The following PCDHGA7 variants were observed in gnomAD, a reference collection of about 807,000 sequenced individuals.
PCDHGA7 encodes protocadherin gamma-A7.
A neutral mutation model predicts 58.3 loss-of-function variants in PCDHGA7; 44 were observed. The observed-to-expected ratio is 0.75, with a 90% CI of 0.59 to 0.97. The LOEUF is 0.97. Ranked by LOEUF, PCDHGA7 falls within the 50% of genes least tolerant of loss-of-function variation. The pLI, the probability that PCDHGA7 is intolerant of heterozygous loss-of-function variation, is 0.00. For synonymous variants in PCDHGA7, 516 were observed against 504.2 expected (o/e 1.02, Z -0.31); for missense variants, 1,266 against 1,188.7 (o/e 1.06, Z -0.96).
chr5:141,465,171 G>T (rs969390966), intron 1 of PCDHGA7, among the ~76,000 whole-genome samples: 1 of 151,728 alleles, frequency 6.6e-6, no homozygotes, highest in Non-Finnish European at 1.5e-5. Flanking sequence ...TGTTTATGAA[G>T]AAATTTAATT....
rs752145084 is a variant in PCDHGA7 at position 141,489,550 on chromosome 5, C to T, written c.2425-5257C>T. On this transcript the variant is annotated intron_variant, in intron 1 of 3. Coordinates refer to ENST00000518325, the MANE Select transcript of PCDHGA7 (RefSeq NM_018920.4). This position sits in a 1 kb window ranked among gnomAD's most constrained non-coding sequence, Gnocchi z 4.5. ...ATGTGGAGCCAGCACCAGCTGCCTGCTGCCAGTGCAGGTGGTGACTGAACA... is the reference window on the plus strand; with the variant it reads ...ATGTGGAGCCAGCACCAGCTGCCTGTTGCCAGTGCAGGTGGTGACTGAACA... The T allele has an allele frequency of 1.2e-6, 2 of 1,614,132 alleles. No homozygotes were observed. The highest frequency in any genetic ancestry group is 1.7e-5 in the Admixed American group (1 of 60,030).
intron 1 of PCDHGA7, chr5:141,419,582 T>A (rs1474193256): frequency 6.2e-7 from 1 of 1,611,894 alleles, no homozygotes. Context: ...CTCCGCGCTC[T>A]TCGACACAGT....
chr5:141,506,434 C>A lies in PCDHGA7; in HGVS notation c.2572+953C>A, dbSNP rs139627189. Among the ~76,000 whole-genome samples the A allele has an allele frequency of 8.5e-4, 112 of 131,752 alleles. 2 individuals are homozygous for A. The highest frequency in any genetic ancestry group is 3.3e-3 in the African/African-American group (107 of 32,408). 86.4% of individuals were successfully genotyped at this position (131,752 alleles called of 152,430 possible). ...TGCACTCCAGCCTGGGCAACAGTCT[C>A]GCTCTGTCTCAAAAAAAAAAAAAAA... On this transcript the variant is annotated intron_variant, in intron 3 of 3. Transcript: ENST00000518325.
At chr5:141,418,287 G>C in intron 1 of PCDHGA7, 1 of 1,614,020 alleles carries the variant, frequency 6.2e-7, no homozygotes, top group South Asian at 1.1e-5. Context: ...TTAGAAATCA[G>C]TGAATCCGTC....
intron 1 of PCDHGA7, chr5:141,399,563 T>G: frequency 6.2e-7 from 1 of 1,614,054 alleles, no homozygotes; most frequent in Non-Finnish European, 8.5e-7. Flanking sequence ...GACTTGGGGT[T>G]GAACGGCCAA....
intron 1 of PCDHGA7, chr5:141,395,109 A>C (rs1181706209): frequency 6.2e-7 from 1 of 1,614,210 alleles, no homozygotes; most frequent in Non-Finnish European, 8.5e-7. Flanking sequence ...CTCGCGGAAG[A>C]GTCACCTGAT....
At position 141,486,392 on chromosome 5, in the gene PCDHGA7, C is replaced by T; in HGVS notation, c.2425-8415C>T. ...GTCTGCCTTCAGGAACCAGTTCTCC[C>T]TGGTGACTGCTGGACCCTTGGATCG... On this transcript the variant is annotated intron_variant, in intron 1 of 3. Coordinates refer to ENST00000518325, the MANE Select transcript of PCDHGA7 (RefSeq NM_018920.4). The surrounding 1 kb of genome is among the most constrained non-coding windows in gnomAD (Gnocchi z 5.0). 1 of 1,614,170 alleles carries T rather than the reference C, an allele frequency of 6.2e-7. No individual in the cohort carries two copies. Among genetic ancestry groups the T allele is most frequent in the Non-Finnish European group, 8.5e-7 (1 of 1,180,014 alleles).
At chr5:141,499,679 T>G (rs2099793341) in intron 2 of PCDHGA7, among the ~76,000 whole-genome samples, 1 of 150,922 alleles carries the variant, frequency 6.6e-6, no homozygotes, top group South Asian at 2.1e-4. Context: ...CCACCATCTT[T>G]AACAGATGAC....
intron 1 of PCDHGA7, chr5:141,394,936 T>G: frequency 1.2e-6 from 2 of 1,613,836 alleles, no homozygotes; most frequent in Non-Finnish European, 8.5e-7. Flanking sequence ...CTCGCCTTTG[T>G]CGCTGTGCTT....
chr5:141,393,274 T>G (rs747983531), intron 1 of PCDHGA7: 11 of 1,613,952 alleles, frequency 6.8e-6, no homozygotes, highest in Non-Finnish European at 9.3e-6. Flanking sequence ...CGTTATCCAC[T>G]CCCAGAAGCT....
In PCDHGA7 at chr5:141,383,409, C is replaced by A. The variant is rs199780721; in HGVS notation, c.510C>A (p.Tyr170Ter). 4.3e-6 allele frequency: 7 copies of A among 1,613,892 alleles called. No homozygotes were observed. Among genetic ancestry groups the A allele is most frequent in the Non-Finnish European group, 5.9e-6 (7 of 1,179,902 alleles). The change falls in exon 1 of 4, where the codon TAC (tyrosine) becomes TAA (stop). Residue 170 changes from tyrosine to a stop codon, truncating the protein, a stop_gained. Coordinates refer to ENST00000518325, the MANE Select transcript of PCDHGA7 (RefSeq NM_018920.4). LOFTEE classifies it high-confidence loss of function. ...TGGGCACGAACTCCCTCCAGAGTTA[C>A]CAGCTCAGCCCCAATCGCCACTTCT... is the stretch of plus-strand genomic sequence containing the variant. ...PDVGTNSLQS[Y>*]QLSPNRHFSL...
intron 1 of PCDHGA7, chr5:141,428,390 C>T (rs1043799152): frequency 8.0e-5 from 40 of 502,004 alleles, no homozygotes; most frequent in African/African-American, 6.6e-4. Context: ...TCTTCCAGCC[C>T]CTCTGCCTGG....
At chr5:141,394,871 T>A in intron 1 of PCDHGA7, 1 of 1,613,814 alleles carries the variant, frequency 6.2e-7, no homozygotes, top group Non-Finnish European at 8.5e-7. Flanking sequence ...ACCCGAACGA[T>A]TCGAGCCTTA....
In PCDHGA7 at chr5:141,487,470, G is replaced by C; in HGVS notation, c.2425-7337G>C. ...GACCCTATCAAGTTTGTTGATGTGG[G>C]AGGCCACTCTCATGGCTGTACACCC... On this transcript the variant is annotated intron_variant, in intron 1 of 3. Coordinates refer to ENST00000518325, the MANE Select transcript of PCDHGA7 (RefSeq NM_018920.4). The surrounding 1 kb of genome is among the most constrained non-coding windows in gnomAD (Gnocchi z 5.0). The C allele has an allele frequency of 1.9e-6, 3 of 1,614,162 alleles. No individual in the cohort carries two copies. Among genetic ancestry groups the C allele is most frequent in the South Asian group, 1.1e-5 (1 of 91,084 alleles).
intron 1 of PCDHGA7, chr5:141,389,352 AT>A (rs1561624660): frequency 6.2e-7 from 1 of 1,613,628 alleles, no homozygotes; most frequent in African/African-American, 1.3e-5. Context: ...TTACTGCATC[AT>A]GGCCAGTGAC....
chr5:141,486,346 C>G lies in PCDHGA7; in HGVS notation c.2425-8461C>G. 1 of 1,614,120 alleles carries G rather than the reference C, an allele frequency of 6.2e-7. No individual in the cohort carries two copies. Among genetic ancestry groups the G allele is most frequent in the East Asian group, 2.2e-5 (1 of 44,874 alleles). ...GAGATGTGAGCCTCCGCATTCCTGA[C>G]CACTTGCCATTTGCCCTCAAGTCTG... On this transcript the variant is annotated intron_variant, in intron 1 of 3. Coordinates refer to ENST00000518325, the MANE Select transcript of PCDHGA7 (RefSeq NM_018920.4). This position sits in a 1 kb window ranked among gnomAD's most constrained non-coding sequence, Gnocchi z 5.0.
chr5:141,423,760 G>GT, intron 1 of PCDHGA7: 1 of 279,664 alleles, frequency 3.6e-6, no homozygotes, highest in Non-Finnish European at 5.3e-6. Flanking sequence ...TGGGGGGGGG[G>GT]TGGGGCGGCA....
intron 1 of PCDHGA7, chr5:141,423,316 G>C (rs1424301976): frequency 1.2e-6 from 2 of 1,614,044 alleles, no homozygotes; most frequent in Non-Finnish European, 1.7e-6. Context: ...CTTGGTGGTG[G>C]CGGTGGCCGC....
chr5:141,477,656 C>A lies in PCDHGA7; in HGVS notation c.2425-17151C>A. ...AGTGGGTCGCTATTTCACAATAAAT[C>A]GTGACAATGGCATAGTGTCATCCTT... On this transcript the variant is annotated intron_variant, in intron 1 of 3. Transcript: ENST00000518325. The surrounding 1 kb of genome is among the most constrained non-coding windows in gnomAD (Gnocchi z 4.9). 1 of 1,614,184 alleles carries A rather than the reference C, an allele frequency of 6.2e-7. No homozygotes were observed.
Sources: gnomAD v4.1 joint callset for allele counts (sites outside exome capture counted in the v4.1 genomes callset) on GRCh38, gnomAD v4.1.1 for gene constraint, Gnocchi (gnomAD v3.1) non-coding constraint, MANE v1.5 for transcripts, NCBI Gene and HGNC (gene_info 2026-07-23, HGNC 2026-07-21) for gene names.